Variants in ABHD6 observed in about 807,000 individuals in gnomAD.
ABHD6 encodes the protein monoacylglycerol lipase ABHD6.
In ABHD6, 33 loss-of-function variants were observed where a neutral mutation model predicts 38.8. The observed-to-expected ratio is 0.85, with a 90% CI of 0.64 to 1.14. The LOEUF is 1.14. Among genes scored for constraint, ABHD6 ranks in the 50% most tolerant of loss-of-function variants. ABHD6 has a pLI of 0.00. For synonymous variants in ABHD6, 147 were observed against 161.6 expected, an observed-to-expected ratio of 0.91 and a Z score of 0.69; for missense variants, 380 against 422.6, an observed-to-expected ratio of 0.90 and a Z score of 0.88.
chr3:58,293,797 G>T lies in ABHD6; in HGVS notation c.*32G>T, dbSNP rs2097465233. 1 of 1,602,226 alleles carries T rather than the reference G, an allele frequency of 6.2e-7. No individual in the cohort carries two copies. Among genetic ancestry groups the T allele is most frequent in the Non-Finnish European group, 8.5e-7 (1 of 1,172,134 alleles). Reference sequence around the variant, plus strand: ...GACTGCAGCCTGCATTCTGCACACAGCATCTGCTCCCATCCCCCAAGTCTG... The same window carrying T: ...GACTGCAGCCTGCATTCTGCACACATCATCTGCTCCCATCCCCCAAGTCTG... On this transcript the variant is annotated 3_prime_UTR_variant, in exon 10 of 10. Coordinates refer to ENST00000478253, the MANE Select transcript of ABHD6 (RefSeq NM_001320126.2). This position sits in a 1 kb window ranked among gnomAD's most constrained non-coding sequence, Gnocchi z 4.4.
In ABHD6 at chr3:58,266,714, T is replaced by C. The variant is rs1487235236; in HGVS notation, c.120-475T>C. 6.6e-6 allele frequency among the ~76,000 whole-genome samples: 1 copy of C among 152,210 alleles called. No individual in the cohort carries two copies. Among genetic ancestry groups the C allele is most frequent in the Non-Finnish European group, 1.5e-5 (1 of 68,040 alleles). On this transcript the variant is annotated intron_variant, in intron 3 of 9. Coordinates refer to ENST00000478253, the MANE Select transcript of ABHD6 (RefSeq NM_001320126.2). This position sits in a 1 kb window ranked among gnomAD's most constrained non-coding sequence, Gnocchi z 4.0. ...CAGAGAGTTCAATTTGTTTAGATGG[T>C]AATTTCATATTGAAATTGATTTTGG...
chr3:58,250,066 T>C (rs961382978), intron 2 of ABHD6, 124 bp downstream of exon 2: 1 of 152,206 alleles, frequency 6.6e-6, no homozygotes, highest in African/African-American at 2.4e-5. Flanking sequence ...ATGATTTTTC[T>C]GATCAGTAGG....
At chr3:58,291,213 CA>C (rs958106318) in intron 9 of ABHD6, among the ~76,000 whole-genome samples, 30 of 151,104 alleles carry the variant, frequency 2.0e-4, no homozygotes, top group Non-Finnish European at 3.7e-4. Context: ...CCGTCTCCAC[CA>C]AAAAAATACG....
chr3:58,275,350 G>T (rs1448179761), intron 7 of ABHD6, among the ~76,000 whole-genome samples: 1 of 83,024 alleles, frequency 1.2e-5, no homozygotes, highest in Non-Finnish European at 2.2e-5. Flanking sequence ...TTTTTTTCCA[G>T]ACAGAGTCTC....
intron 9 of ABHD6, among the ~76,000 whole-genome samples, chr3:58,290,599 G>A (rs1206684084): frequency 2.8e-5 from 4 of 144,298 alleles, no homozygotes; most frequent in Admixed American, 6.8e-5. Context: ...GCTGCCGGGC[G>A]GAGGGGCTCC....
intron 6 of ABHD6, among the ~76,000 whole-genome samples, chr3:58,272,148 A>G (rs142065220): frequency 1.3e-3 from 205 of 152,278 alleles, no homozygotes; most frequent in Middle Eastern, 6.8e-3. Context: ...TCATTTACAC[A>G]TAGTAAATTG....
At position 58,274,722 on chromosome 3, in the gene ABHD6, C is replaced by G. The variant is rs759397255; in HGVS notation, c.588C>G (p.Ala196=). The G allele has an allele frequency of 6.2e-7, 1 of 1,614,190 alleles. No individual in the cohort carries two copies. The highest frequency in any genetic ancestry group is 2.2e-5 in the East Asian group (1 of 44,886). The change falls in exon 7 of 10, where the codon GCC becomes GCG. Residue 196 remains alanine (A), a synonymous_variant. Transcript: ENST00000478253. ...TCAAAGAACTGCAGGGCTCTGCCGC[C>G]GTGGAGAAGATTCCCTTGATCCCGT... is the stretch of plus-strand genomic sequence containing the variant. The part of the protein sequence containing the change: ...QRLKELQGSA[A]VEKIPLIPST...
intron 1 of ABHD6, among the ~76,000 whole-genome samples, chr3:58,246,612 TAATGAG>T (rs2107418410): frequency 6.6e-6 from 1 of 152,280 alleles, no homozygotes; most frequent in African/African-American, 2.4e-5. Flanking sequence ...GCTGGTTCTT[TAATGAG>T]AACCCCCATG....
chr3:58,278,115 C>T (rs1170710720), intron 7 of ABHD6, among the ~76,000 whole-genome samples: 2 of 152,136 alleles, frequency 1.3e-5, no homozygotes, highest in African/African-American at 4.8e-5. Context: ...TGATGCAGGC[C>T]TCATAAAATG....
rs751843919 is a variant in ABHD6, at chr3:58,259,227, C to G, written c.119+2522C>G. 2.0e-5 allele frequency among the ~76,000 whole-genome samples: 3 copies of G among 152,144 alleles called. No homozygotes were observed. Among genetic ancestry groups the G allele is most frequent in the Non-Finnish European group, 2.9e-5 (2 of 68,022 alleles). On this transcript the variant is annotated intron_variant, in intron 3 of 9. Coordinates refer to ENST00000478253, the MANE Select transcript of ABHD6 (RefSeq NM_001320126.2). The surrounding 1 kb of genome is among the most constrained non-coding windows in gnomAD (Gnocchi z 4.7). Reference sequence around the variant, plus strand: ...ACTAGCCTCAATGCTGCATAGTCCCCCAACAGTTCCCTGGGCTGTCGAGGA... The same window carrying G: ...ACTAGCCTCAATGCTGCATAGTCCCGCAACAGTTCCCTGGGCTGTCGAGGA...
At position 58,285,905 on chromosome 3, in the gene ABHD6, T is replaced by C. The variant is rs1468009964; in HGVS notation, c.837+452T>C. 1.5e-4 allele frequency among the ~76,000 whole-genome samples: 23 copies of C among 152,176 alleles called. 1 individual carries two copies. The highest frequency in any genetic ancestry group is 1.5e-3 in the Admixed American group (23 of 15,270). On this transcript the variant is annotated intron_variant, in intron 9 of 9. Transcript: ENST00000478253. The surrounding 1 kb of genome is among the most constrained non-coding windows in gnomAD (Gnocchi z 4.9). ...CAGGCTGGAGTGCAGTGGCCCAATC[T>C]TGGCTCACTGCAACTTCTGCCTCCC...
chr3:58,239,284 CTGGTAA>C (rs2097421227), intron 1 of ABHD6, among the ~76,000 whole-genome samples: 1 of 152,186 alleles, frequency 6.6e-6, no homozygotes. Context: ...CTCTCAGCTT[CTGGTAA>C]TAGTACCCAC....
At chr3:58,271,193 C>A in intron 6 of ABHD6, 129 bp downstream of exon 6, 1 of 1,039,624 alleles carries the variant, frequency 9.6e-7, no homozygotes, top group South Asian at 2.4e-5. Flanking sequence ...CAGTGTTTTA[C>A]TGATAACTCT....
intron 2 of ABHD6, among the ~76,000 whole-genome samples, chr3:58,254,637 C>T (rs1399461580): frequency 6.6e-6 from 1 of 152,074 alleles, no homozygotes; most frequent in African/African-American, 2.4e-5. Flanking sequence ...GATGTTAATG[C>T]TTTTTCTTGA....
intron 3 of ABHD6, among the ~76,000 whole-genome samples, chr3:58,258,164 A>G (rs756617064): frequency 6.6e-6 from 1 of 151,964 alleles, no homozygotes; most frequent in Non-Finnish European, 1.5e-5. Flanking sequence ...AAAATTAGCT[A>G]GGCGTGGTGG....
In ABHD6 at chr3:58,275,341, T is replaced by C. The variant is rs1354248507; in HGVS notation, c.681+526T>C. ...GGACCCCTTATACTCTTTTTTTTTT[T>C]TTTTTCCAGACAGAGTCTCACTCTG... On this transcript the variant is annotated intron_variant, in intron 7 of 9. Transcript: ENST00000478253. Among the ~76,000 whole-genome samples, 17 of 119,170 alleles carry C rather than the reference T, an allele frequency of 1.4e-4. No individual in the cohort carries two copies. The East Asian group carries it at 3.6e-3, about 25-fold the overall frequency. The allele number at this position is 119,170 out of a possible 152,430, so 78.2% of individuals were successfully genotyped here.
At chr3:58,247,610 T>C (rs2097427312) in intron 1 of ABHD6, among the ~76,000 whole-genome samples, 1 of 152,216 alleles carries the variant, frequency 6.6e-6, no homozygotes. Context: ...AGAGTCTCGC[T>C]CTGTCACCCA....
At chr3:58,252,453 A>G (rs1031850683) in intron 2 of ABHD6, among the ~76,000 whole-genome samples, 11 of 151,714 alleles carry the variant, frequency 7.3e-5, no homozygotes, top group Non-Finnish European at 1.5e-4. Flanking sequence ...TACTCAAGCA[A>G]TCTGCCCGTC....
At chr3:58,288,684 T>C (rs1474849130) in intron 9 of ABHD6, among the ~76,000 whole-genome samples, 1 of 152,202 alleles carries the variant, frequency 6.6e-6, no homozygotes, top group Non-Finnish European at 1.5e-5. Flanking sequence ...TAACACTGTA[T>C]TAGGCCCTGA....
Sources: gnomAD v4.1 joint callset for allele counts (sites outside exome capture counted in the v4.1 genomes callset) on GRCh38, gnomAD v4.1.1 for gene constraint, Gnocchi (gnomAD v3.1) non-coding constraint, MANE v1.5 for transcripts, NCBI Gene and HGNC (gene_info 2026-07-23, HGNC 2026-07-21) for gene names.